Variants in RABL2A observed in about 807,000 individuals in gnomAD.
RABL2A encodes the protein rab-like protein 2A.
Under a neutral mutation model 30.7 loss-of-function variants are expected in RABL2A, and 17 were observed. The ratio of observed to expected loss-of-function variants is 0.55; its 90% CI spans 0.38 to 0.83. RABL2A has a LOEUF of 0.83. RABL2A is among the 40% of genes least tolerant of loss of function. The pLI is 0.00. For synonymous variants in RABL2A, 64 were observed against 101.8 expected (o/e 0.63, Z 2.24); for missense variants, 155 against 272.6 (o/e 0.57, Z 3.04).
intron 2 of RABL2A, among the ~76,000 whole-genome samples, chr2:113,630,125 A>G (rs956254344): frequency 6.6e-5 from 10 of 152,174 alleles, no homozygotes; most frequent in African/African-American, 2.2e-4. Flanking sequence ...AAAAATAAGA[A>G]TCCAAGTAGT....
At chr2:113,637,704 A>C (rs1425517382) in intron 5 of RABL2A, 42 of 1,279,046 alleles carry the variant, frequency 3.3e-5, no homozygotes, top group Non-Finnish European at 3.9e-5. Context: ...GTAGTGCAGA[A>C]GTCTGACCCT....
In RABL2A at chr2:113,639,493, G is replaced by C. The variant is rs1192450281; in HGVS notation, c.298-1401G>C. ...AAAAATTAGCCAGGCATGGTGGTGC[G>C]CACCTGTAATCCCAGCTACTCCGGA... is the stretch of plus-strand genomic sequence containing the variant. On this transcript the variant is annotated intron_variant, in intron 5 of 8. Coordinates refer to ENST00000683472, the MANE Select transcript of RABL2A (RefSeq NM_001306158.2). 4.1e-5 allele frequency among the ~76,000 whole-genome samples: 6 copies of C among 146,034 alleles called. No individual in the cohort carries two copies. In the South Asian group the frequency reaches 8.9e-4, roughly 22 times the overall value.
chr2:113,642,236 C>T lies in RABL2A; in HGVS notation c.*107C>T, dbSNP rs1416820614. On this transcript the variant is annotated 3_prime_UTR_variant, in exon 9 of 9. Transcript: ENST00000683472. Reference sequence around the variant, plus strand: ...TCTAGGCCATCCCCTCTTCTACCTCCTGCAACCCACCCATCCTATTAGCCT... The same window carrying T: ...TCTAGGCCATCCCCTCTTCTACCTCTTGCAACCCACCCATCCTATTAGCCT... 1 of 1,484,130 alleles carries T rather than the reference C, an allele frequency of 6.7e-7. No homozygotes were observed. Among genetic ancestry groups the T allele is most frequent in the African/African-American group, 1.4e-5 (1 of 71,154 alleles). The allele number at this position is 1,484,130 out of a possible 1,614,324, so 91.9% of individuals were successfully genotyped here.
Position 113,637,323 on chromosome 2 carries a change from C to T in RABL2A, c.297+2193C>T, listed in dbSNP as rs571535524. ...GGCCCTGCTTCAATGCCACCACCTC[C>T]GTGCAGCCTCCTCTGATGTTTGTCA... On this transcript the variant is annotated intron_variant, in intron 5 of 8. Transcript: ENST00000683472. The T allele has an allele frequency of 3.0e-5, 30 of 995,984 alleles. No individual in the cohort carries two copies. The African/African-American group carries it at 4.0e-4, about 13-fold the overall frequency. 61.7% of individuals were successfully genotyped at this position (995,984 alleles called of 1,614,324 possible). A position where few individuals can be genotyped will look rare whatever the true frequency, so the allele number is the denominator to read the frequency against.
chr2:113,641,407 C>G lies in RABL2A; in HGVS notation c.464C>G (p.Pro155Arg). ...SFNFAKKFSLPLYFVSAADGT... is the reference protein window; with the variant it reads ...SFNFAKKFSLRLYFVSAADGT... ...AATTTTGCCAAGAAGTTCTCCCTGC[C>G]CCTGTATTTCGTCTCGGCTGCTGAT... Residue 155 changes from proline to arginine, a missense_variant, in exon 7 of 9, where the codon CCC (proline) becomes CGC (arginine). Transcript: ENST00000683472. 1 of 1,611,626 alleles carries G rather than the reference C, an allele frequency of 6.2e-7. No individual in the cohort carries two copies. The highest frequency in any genetic ancestry group is 1.7e-5 in the Admixed American group (1 of 59,826).
intron 5 of RABL2A, chr2:113,635,573 C>T (rs982568686): frequency 5.1e-5 from 14 of 274,060 alleles, no homozygotes; most frequent in Non-Finnish European, 7.2e-5. Context: ...CGCCTCCCCC[C>T]GAGCCTCCCA....
At chr2:113,632,204 TCAA>T (rs2104562158) in intron 2 of RABL2A, among the ~76,000 whole-genome samples, 1 of 152,282 alleles carries the variant, frequency 6.6e-6, no homozygotes, top group East Asian at 1.9e-4. Flanking sequence ...CAGGAGCATT[TCAA>T]CAACAAAAGG....
chr2:113,635,571 C>T (rs554584756), intron 5 of RABL2A: 12 of 275,902 alleles, frequency 4.3e-5, no homozygotes, highest in African/African-American at 2.4e-4. Context: ...CTCGCCTCCC[C>T]CCGAGCCTCC....
chr2:113,632,589 G>A (rs547328334), intron 2 of RABL2A, among the ~76,000 whole-genome samples: 25 of 152,376 alleles, frequency 1.6e-4, no homozygotes, highest in African/African-American at 5.3e-4. Flanking sequence ...TGAACGGAAG[G>A]CGCAGCTTTG....
chr2:113,628,887 C>T (rs922712801), intron 2 of RABL2A, among the ~76,000 whole-genome samples, 174 bp downstream of exon 2: 21 of 152,022 alleles, frequency 1.4e-4, no homozygotes, highest in South Asian at 4.2e-4. Flanking sequence ...TTGTGTGTGT[C>T]GGGTGGAGGG....
intron 2 of RABL2A, among the ~76,000 whole-genome samples, chr2:113,631,486 C>T (rs1680328669): frequency 6.6e-6 from 1 of 152,096 alleles, no homozygotes; most frequent in African/African-American, 2.4e-5. Flanking sequence ...GCTTAGGCCA[C>T]CAGTGACCAG....
chr2:113,640,552 T>A (rs1684743021), intron 5 of RABL2A: 2 of 315,270 alleles, frequency 6.3e-6, no homozygotes, highest in African/African-American at 2.2e-5. Flanking sequence ...ATTTTTTGCA[T>A]TTTTAGTAGA....
At chr2:113,631,512 T>A (rs1282315849) in intron 2 of RABL2A, among the ~76,000 whole-genome samples, 1 of 152,148 alleles carries the variant, frequency 6.6e-6, no homozygotes, top group Non-Finnish European at 1.5e-5. Flanking sequence ...ACTCTAAATA[T>A]TTTTGGGAAA....
In RABL2A at chr2:113,635,125, A is replaced by C. The variant is rs1180144080; in HGVS notation, c.292A>C (p.Ile98Leu). ...ASYYHKAHAC[I>L]MVFDIQRKVT... ...CTACTACCACAAGGCCCATGCCTGC[A>C]TCATGGTACGAGACGGTGGGGAGGT... The change falls in exon 5 of 9, where the codon ATC becomes CTC. Residue 98 changes from isoleucine to leucine, a missense_variant. Ile to Leu is a conservative substitution (Grantham distance 5, BLOSUM62 2). This residue lies in a region of RABL2A where 82 missense variants were observed against 103.2 expected (regional missense o/e 0.79). Transcript: ENST00000683472. 4 of 1,614,044 alleles carry C rather than the reference A, an allele frequency of 2.5e-6. No individual in the cohort carries two copies. The highest frequency in any genetic ancestry group is 4.5e-5 in the East Asian group (2 of 44,888).
At position 113,642,387 on chromosome 2, in the gene RABL2A, C is replaced by T. The variant is rs540026183; in HGVS notation, c.*258C>T. Reference sequence around the variant, plus strand: ...ATCAGCATCATTAACACCTTCCCCACCCCCTCCCCCCAGGCAGACAGTGAA... The same window carrying T: ...ATCAGCATCATTAACACCTTCCCCATCCCCTCCCCCCAGGCAGACAGTGAA... On this transcript the variant is annotated 3_prime_UTR_variant, in exon 9 of 9. Coordinates refer to ENST00000683472, the MANE Select transcript of RABL2A (RefSeq NM_001306158.2). The T allele has an allele frequency of 5.5e-6, 4 of 732,108 alleles. No individual in the cohort carries two copies. In the East Asian group the frequency reaches 9.5e-5, roughly 17 times the overall value. The allele number at this position is 732,108 out of a possible 1,614,324, so 45.4% of individuals were successfully genotyped here. A position where few individuals can be genotyped will look rare whatever the true frequency, so the allele number is the denominator to read the frequency against.
intron 5 of RABL2A, chr2:113,638,323 T>C (rs1184894603): frequency 1.0e-6 from 1 of 985,316 alleles, no homozygotes; most frequent in African/African-American, 1.7e-5. Context: ...AGCCCTGAGC[T>C]TGAACCATGT....
At chr2:113,630,373 G>A (rs1040646) in intron 2 of RABL2A, among the ~76,000 whole-genome samples, 52,636 of 152,018 alleles carry the variant, frequency 0.35, 10,300 homozygotes, top group African/African-American at 0.54. Flanking sequence ...ATCTAAACTC[G>A]GTTGGGCTAA....
intron 2 of RABL2A, among the ~76,000 whole-genome samples, chr2:113,629,916 G>C (rs1053410483): frequency 6.6e-6 from 1 of 152,106 alleles, no homozygotes; most frequent in Non-Finnish European, 1.5e-5. Context: ...AGGTGTTGTA[G>C]TTTGGGAAGG....
chr2:113,635,413 G>T (rs1196894477), intron 5 of RABL2A: 1 of 490,146 alleles, frequency 2.0e-6, no homozygotes, highest in Non-Finnish European at 3.7e-6. Flanking sequence ...GCCTGAAACA[G>T]GGCCACAGTC....
Sources: allele counts gnomAD v4.1 joint callset (sites outside exome capture counted in the v4.1 genomes callset), GRCh38; gene constraint gnomAD v4.1.1; regional missense constraint gnomAD v4.1.1; transcripts MANE v1.5; gene names NCBI Gene and HGNC (gene_info 2026-07-23, HGNC 2026-07-21).